The following EI24 variants were observed in gnomAD, a reference collection of about 807,000 sequenced individuals.
EI24 encodes etoposide-induced protein 2.4 homolog.
A neutral mutation model predicts 48.6 loss-of-function variants in EI24; 21 were observed. That is an observed-to-expected ratio of 0.43 (90% CI 0.31 to 0.62). The LOEUF is 0.62. Among genes scored for constraint, EI24 ranks in the 20% least tolerant of loss-of-function variants. The pLI is 0.10. For missense variants in EI24, 280 were observed against 410.5 expected, an observed-to-expected ratio of 0.68 and a Z score of 2.75; for synonymous variants, 114 against 145.5, an observed-to-expected ratio of 0.78 and a Z score of 1.56.
At chr11:125,583,460 A>T in intron 10 of EI24, 61 bp from the exon 11 acceptor site, 1 of 1,393,542 alleles carries the variant, frequency 7.2e-7, no homozygotes, top group Non-Finnish European at 9.7e-7. Context: ...TCAAGTTGTC[A>T]AACAACGGAA....
At chr11:125,581,534 A>ATTTT (rs1591360960) in intron 9 of EI24, among the ~76,000 whole-genome samples, 1 of 44,690 alleles carries the variant, frequency 2.2e-5, no homozygotes, top group African/African-American at 8.2e-5. Flanking sequence ...TGAAGCAATT[A>ATTTT]TTCTTTTTTT....
At position 125,572,461 on chromosome 11, in the gene EI24, C is replaced by G; in HGVS notation, c.-67C>G. On this transcript the variant is annotated 5_prime_UTR_variant, in exon 2 of 11. Transcript: ENST00000278903. ...ATTATGTTCCATCTGTTTCCAGATCCTTCATGATGAGAGATTTGGGGACAC... is the reference window on the plus strand; with the variant it reads ...ATTATGTTCCATCTGTTTCCAGATCGTTCATGATGAGAGATTTGGGGACAC... 1.4e-6 allele frequency: 2 copies of G among 1,461,542 alleles called. No individual in the cohort carries two copies. Among genetic ancestry groups the G allele is most frequent in the Non-Finnish European group, 1.9e-6 (2 of 1,045,154 alleles). The allele number at this position is 1,461,542 out of a possible 1,614,324, so 90.5% of individuals were successfully genotyped here. A position where few individuals can be genotyped will look rare whatever the true frequency, so the allele number is the denominator to read the frequency against.
intron 3 of EI24, 138 bp from the exon 4 acceptor site, chr11:125,576,117 A>T: frequency 1.2e-6 from 1 of 826,622 alleles, no homozygotes; most frequent in Non-Finnish European, 1.9e-6. Context: ...TCATTGACTG[A>T]CATTAGAACA....
At chr11:125,576,165 C>T (rs1211575806) in intron 3 of EI24, 90 bp from the exon 4 acceptor site, 4 of 1,232,758 alleles carry the variant, frequency 3.2e-6, no homozygotes, top group South Asian at 1.3e-5. Flanking sequence ...AATACAGTAC[C>T]CACAAAAGAT....
At position 125,578,248 on chromosome 11, in the gene EI24, T is replaced by G. The variant is rs773025733; in HGVS notation, c.432T>G (p.Ile144Met). 1 of 1,613,922 alleles carries G rather than the reference T, an allele frequency of 6.2e-7. No homozygotes were observed. The highest frequency in any genetic ancestry group is 1.7e-5 in the Admixed American group (1 of 60,014). ...LFVLSKVVNA[I>M]WFQDIADLAF... ...TGCTTAGCAAAGTGGTGAATGCCAT[T>G]TGGTTTCAGGTAGGTCCAGGGCAGA... Residue 144 changes from isoleucine (I) to methionine (M), a missense_variant, in exon 6 of 11, where the codon ATT becomes ATG. By Grantham distance (10) the Ile-to-Met change is conservative. This residue lies in a region of EI24 where 204 missense variants were observed against 294.1 expected (regional missense o/e 0.69). Coordinates refer to ENST00000278903, the MANE Select transcript of EI24 (RefSeq NM_004879.5).
At chr11:125,583,488 G>A in intron 10 of EI24, 33 bp from the exon 11 acceptor site, 1 of 1,513,288 alleles carries the variant, frequency 6.6e-7, no homozygotes. Flanking sequence ...TGAGTAACTG[G>A]GGAGCTAACA....
At chr11:125,579,585 T>A (rs1296347256) in intron 7 of EI24, among the ~76,000 whole-genome samples, 1 of 152,136 alleles carries the variant, frequency 6.6e-6, no homozygotes, top group Non-Finnish European at 1.5e-5. Context: ...GAGAATCGCT[T>A]GAACCCAGGA....
At chr11:125,576,716 T>C (rs1160909559) in intron 4 of EI24, among the ~76,000 whole-genome samples, 1 of 152,208 alleles carries the variant, frequency 6.6e-6, no homozygotes, top group Non-Finnish European at 1.5e-5. Flanking sequence ...TTAATTTGCA[T>C]TGAAACCTAT....
chr11:125,572,607 C>CA (rs1565326337), intron 2 of EI24, 38 bp downstream of exon 2: 2 of 1,387,196 alleles, frequency 1.4e-6, no homozygotes, highest in Non-Finnish European at 2.0e-6. Context: ...ATCTCTCGGC[C>CA]TTTTTTTTTT....
chr11:125,582,522 G>A, intron 10 of EI24, 102 bp downstream of exon 10: 1 of 904,200 alleles, frequency 1.1e-6, no homozygotes, highest in Non-Finnish European at 1.6e-6. Flanking sequence ...TCTTACTGTA[G>A]GAAAATCTTA....
At chr11:125,577,340 C>T (rs1938790187) in intron 4 of EI24, among the ~76,000 whole-genome samples, 164 bp from the exon 5 acceptor site, 1 of 152,240 alleles carries the variant, frequency 6.6e-6, no homozygotes, top group Non-Finnish European at 1.5e-5. Flanking sequence ...GATCTGCCTG[C>T]CTTGGCCTCT....
At chr11:125,582,520 T>A in intron 10 of EI24, 100 bp downstream of exon 10, 1 of 909,464 alleles carries the variant, frequency 1.1e-6, no homozygotes, top group Non-Finnish European at 1.6e-6. Context: ...ATTCTTACTG[T>A]AGGAAAATCT....
chr11:125,581,331 G>T lies in EI24; in HGVS notation c.785+9G>T. 6.4e-7 allele frequency: 1 copy of T among 1,570,474 alleles called. No homozygotes were observed. The highest frequency in any genetic ancestry group is 8.7e-7 in the Non-Finnish European group (1 of 1,147,190). On this transcript the variant is annotated intron_variant, in intron 9 of 10. Coordinates refer to ENST00000278903, the MANE Select transcript of EI24 (RefSeq NM_004879.5). ...TCCTCATATATTATCAGGTAATTTG[G>T]CTACAGGGATTTGAAGGAGACTAGT...
chr11:125,578,382 C>T (rs997139117), intron 6 of EI24, 125 bp downstream of exon 6: 5 of 1,225,116 alleles, frequency 4.1e-6, no homozygotes, highest in Non-Finnish European at 5.8e-6. Flanking sequence ...GTTTCTTGGC[C>T]AGGTAGCCAG....
intron 10 of EI24, among the ~76,000 whole-genome samples, chr11:125,583,117 T>C (rs762594478): frequency 7.9e-5 from 12 of 152,238 alleles, no homozygotes; most frequent in Admixed American, 5.2e-4. Context: ...CTTTTTTTTT[T>C]TGAGACGGAG....
intron 4 of EI24, among the ~76,000 whole-genome samples, chr11:125,576,747 A>G (rs2155388): frequency 0.67 from 101,169 of 152,108 alleles, 34,744 homozygotes; most frequent in East Asian, 0.9. Context: ...ATTGCCTACC[A>G]TTTACTGAGA....
intron 9 of EI24, among the ~76,000 whole-genome samples, 176 bp downstream of exon 9, chr11:125,581,498 C>A (rs1252246888): frequency 6.7e-6 from 1 of 148,864 alleles, no homozygotes; most frequent in Non-Finnish European, 1.5e-5. Context: ...TCCCTATATC[C>A]CATATTCTTT....
chr11:125,573,481 C>G (rs1300375692), intron 2 of EI24: 2 of 330,574 alleles, frequency 6.1e-6, no homozygotes, highest in Non-Finnish European at 1.2e-5. Flanking sequence ...AGGTGGCTCA[C>G]AGCTGTAATC....
rs369153370 is a variant in EI24, at chr11:125,579,091, A to T, written c.561+23A>T. 1.9e-6 allele frequency: 3 copies of T among 1,549,166 alleles called. No individual in the cohort carries two copies. In the African/African-American group the frequency reaches 4.1e-5, roughly 21 times the overall value. ...CAGGTGAGACTGACCTTCTGGGCAT[A>T]TGGGCAGCTTTATTAAAAAGAAAAA... On this transcript the variant is annotated intron_variant, in intron 7 of 10. Coordinates refer to ENST00000278903, the MANE Select transcript of EI24 (RefSeq NM_004879.5).
Sources: allele counts gnomAD v4.1 joint callset (sites outside exome capture counted in the v4.1 genomes callset), GRCh38; gene constraint gnomAD v4.1.1; regional missense constraint gnomAD v4.1.1; transcripts MANE v1.5; gene names NCBI Gene and HGNC (gene_info 2026-07-23, HGNC 2026-07-21).